The following HS6ST3 variants were observed in gnomAD, a reference collection of about 807,000 sequenced individuals.
HS6ST3 encodes heparan sulfate 6-O-sulfotransferase 3.
HS6ST3 carries 12 observed loss-of-function variants against 36.7 expected under a neutral mutation model. That is an observed-to-expected ratio of 0.33 (90% CI 0.21 to 0.53). The LOEUF (loss-of-function observed/expected upper bound fraction) is 0.53, where lower values mean the gene tolerates loss of function less well. Among genes scored for constraint, HS6ST3 ranks in the 20% least tolerant of loss-of-function variants. The pLI, the probability that HS6ST3 is intolerant of heterozygous loss-of-function variation, is 0.95. For synonymous variants in HS6ST3, 240 were observed against 257.5 expected, an observed-to-expected ratio of 0.93 and a Z score of 0.65; for missense variants, 584 against 640.9, an observed-to-expected ratio of 0.91 and a Z score of 0.96.
At chr13:96,200,395 T>C (rs969063707) in intron 1 of HS6ST3, among the ~76,000 whole-genome samples, 29 of 152,234 alleles carry the variant, frequency 1.9e-4, no homozygotes, top group Admixed American at 1.4e-3. Flanking sequence ...CTTAGGACTT[T>C]GCACTGGCAG....
intron 1 of HS6ST3, among the ~76,000 whole-genome samples, chr13:96,302,716 G>A (rs1438188280): frequency 1.3e-5 from 2 of 151,996 alleles, no homozygotes; most frequent in African/African-American, 2.4e-5. Context: ...TATTGTTTAT[G>A]TATTTCTCAA....
At chr13:96,569,872 C>T (rs2056295008) in intron 1 of HS6ST3, among the ~76,000 whole-genome samples, 1 of 152,138 alleles carries the variant, frequency 6.6e-6, no homozygotes, top group Admixed American at 6.5e-5. Flanking sequence ...TTCATACTGT[C>T]TCTCTACAGG....
chr13:96,827,406 G>A (rs1386185124), intron 1 of HS6ST3, among the ~76,000 whole-genome samples: 1 of 152,154 alleles, frequency 6.6e-6, no homozygotes, highest in African/African-American at 2.4e-5. Flanking sequence ...GAATTAAACG[G>A]AACAGAAGGT....
chr13:96,548,231 C>A (rs9516719), intron 1 of HS6ST3, among the ~76,000 whole-genome samples: 2 of 151,792 alleles, frequency 1.3e-5, no homozygotes, highest in African/African-American at 4.8e-5. Flanking sequence ...AAACCTGGAC[C>A]TCCAGACTCT....
At chr13:96,272,303 G>A (rs990646297) in intron 1 of HS6ST3, among the ~76,000 whole-genome samples, 2 of 151,994 alleles carry the variant, frequency 1.3e-5, no homozygotes, top group Middle Eastern at 3.2e-3. Context: ...ACTCACGACT[G>A]TGCTGAAATA....
At chr13:96,123,573 T>C (rs1033322528) in intron 1 of HS6ST3, among the ~76,000 whole-genome samples, 2 of 152,176 alleles carry the variant, frequency 1.3e-5, no homozygotes, top group African/African-American at 4.8e-5. Context: ...TCATGAGACC[T>C]TTCTGTCACT....
At chr13:96,729,718 G>A (rs555172020) in intron 1 of HS6ST3, among the ~76,000 whole-genome samples, 7 of 151,936 alleles carry the variant, frequency 4.6e-5, no homozygotes, top group Non-Finnish European at 8.8e-5. Flanking sequence ...ACCCGACTTT[G>A]GCTTCCCAAA....
chr13:96,660,037 C>T (rs1365876294), intron 1 of HS6ST3, among the ~76,000 whole-genome samples: 5 of 152,012 alleles, frequency 3.3e-5, no homozygotes, highest in Non-Finnish European at 7.4e-5. Flanking sequence ...CTTGCAAACT[C>T]AATGATTAAA....
At chr13:96,802,799 C>T (rs570688830) in intron 1 of HS6ST3, among the ~76,000 whole-genome samples, 41 of 152,304 alleles carry the variant, frequency 2.7e-4, no homozygotes, top group Non-Finnish European at 5.4e-4. Context: ...TCACTTTACT[C>T]TTATTTGTAG....
chr13:96,101,859 C>T (rs1169411500), intron 1 of HS6ST3, among the ~76,000 whole-genome samples: 2 of 152,164 alleles, frequency 1.3e-5, no homozygotes, highest in African/African-American at 4.8e-5. Flanking sequence ...CTCTCTCTTT[C>T]TCTCTCTTGC....
chr13:96,663,701 A>T (rs1360452030), intron 1 of HS6ST3, among the ~76,000 whole-genome samples: 1 of 152,178 alleles, frequency 6.6e-6, no homozygotes, highest in Admixed American at 6.5e-5. Context: ...TTGCATGTGG[A>T]TTTTCACAGC....
intron 1 of HS6ST3, among the ~76,000 whole-genome samples, chr13:96,683,975 A>G (rs1321563767): frequency 3.3e-5 from 5 of 152,076 alleles, no homozygotes. Flanking sequence ...ATATGGGGAA[A>G]TCTGAAAGGC....
chr13:96,219,447 T>C (rs2149317), intron 1 of HS6ST3, among the ~76,000 whole-genome samples: 86,716 of 151,948 alleles, frequency 0.57, 24,917 homozygotes, highest in Admixed American at 0.66. Flanking sequence ...TTGCCCATTT[T>C]CCCTTCCAAT....
chr13:96,445,804 G>A (rs1287386246), intron 1 of HS6ST3, among the ~76,000 whole-genome samples: 3 of 151,634 alleles, frequency 2.0e-5, no homozygotes, highest in Non-Finnish European at 2.9e-5. Context: ...GGAGGCGGAG[G>A]TTGCAGTGAG....
intron 1 of HS6ST3, among the ~76,000 whole-genome samples, chr13:96,437,385 G>A (rs1173276475): frequency 6.6e-6 from 1 of 152,158 alleles, no homozygotes; most frequent in African/African-American, 2.4e-5. Context: ...GCTCTTCAAT[G>A]TTTGTCTTCT....
intron 1 of HS6ST3, among the ~76,000 whole-genome samples, chr13:96,747,101 G>C (rs181346095): frequency 6.6e-6 from 1 of 152,042 alleles, no homozygotes; most frequent in African/African-American, 2.4e-5. Context: ...ATCCAGAAGG[G>C]CTAAGTGAAA....
At chr13:96,146,433 C>G (rs1178273232) in intron 1 of HS6ST3, among the ~76,000 whole-genome samples, 24 of 152,138 alleles carry the variant, frequency 1.6e-4, no homozygotes, top group Admixed American at 1.6e-3. Flanking sequence ...AATGGGAGTG[C>G]ACTCATGATT....
chr13:96,384,645 A>T (rs2055358406), intron 1 of HS6ST3, among the ~76,000 whole-genome samples: 1 of 152,104 alleles, frequency 6.6e-6, no homozygotes. Flanking sequence ...GGCTAACTCA[A>T]CAGGGTTCAG....
At chr13:96,755,583 T>G (rs1022086728) in intron 1 of HS6ST3, among the ~76,000 whole-genome samples, 1 of 152,166 alleles carries the variant, frequency 6.6e-6, no homozygotes, top group African/African-American at 2.4e-5. Context: ...CAGGCTGGTC[T>G]TGAACTCCTG....
Sources: allele counts gnomAD v4.1 joint callset (sites outside exome capture counted in the v4.1 genomes callset), GRCh38; gene constraint gnomAD v4.1.1; transcripts MANE v1.5; gene names NCBI Gene and HGNC (gene_info 2026-07-23, HGNC 2026-07-21).